Variants in NCKAP5 observed in about 807,000 individuals in gnomAD.
The protein encoded by NCKAP5 is NCK associated protein 5.
NCKAP5 carries 92 observed loss-of-function variants against 167.0 expected under a neutral mutation model. That is an observed-to-expected ratio of 0.55 (90% CI 0.47 to 0.66). The LOEUF is 0.66. NCKAP5 is among the 30% of genes least tolerant of loss of function. NCKAP5 has a pLI of 0.00. For missense variants in NCKAP5, 2,378 were observed against 2,315.0 expected, an observed-to-expected ratio of 1.03 and a Z score of -0.56; for synonymous variants, 891 against 877.4, an observed-to-expected ratio of 1.02 and a Z score of -0.27.
Position 133,497,286 on chromosome 2 carries a change from G to C in NCKAP5, c.69+20172C>G, listed in dbSNP as rs539951595. Among the ~76,000 whole-genome samples, 3 of 152,290 alleles carry C rather than the reference G, an allele frequency of 2.0e-5. No homozygotes were observed. In the South Asian group the frequency reaches 6.2e-4, roughly 32 times the overall value. ...AAATAAAAAGCCCTACTACAACACAGCTTATCATCTTTTGAGCTTGGGCCA... is the reference window on the plus strand; with the variant it reads ...AAATAAAAAGCCCTACTACAACACACCTTATCATCTTTTGAGCTTGGGCCA... On this transcript the variant is annotated intron_variant, in intron 3 of 19. Transcript: ENST00000409261.
intron 5 of NCKAP5, among the ~76,000 whole-genome samples, chr2:133,170,065 T>C (rs1276659058): frequency 1.3e-5 from 2 of 152,232 alleles, no homozygotes; most frequent in African/African-American, 2.4e-5. Flanking sequence ...AATTTTATTA[T>C]GGGCATATTA....
intron 5 of NCKAP5, among the ~76,000 whole-genome samples, chr2:133,132,556 C>T (rs2082645508): frequency 6.7e-6 from 1 of 149,936 alleles, no homozygotes; most frequent in Non-Finnish European, 1.5e-5. Flanking sequence ...GGAATTAAGA[C>T]TATGAGGGCA....
chr2:133,291,296 A>C (rs1679581147), intron 4 of NCKAP5, among the ~76,000 whole-genome samples: 1 of 152,226 alleles, frequency 6.6e-6, no homozygotes, highest in Non-Finnish European at 1.5e-5. Context: ...CAAACAAGTC[A>C]GTGTGATTGA....
chr2:133,125,645 C>T (rs1228038535), intron 6 of NCKAP5, among the ~76,000 whole-genome samples: 1 of 152,316 alleles, frequency 6.6e-6, no homozygotes, highest in South Asian at 2.1e-4. Context: ...TAAGATATCA[C>T]CACCTGCCTC....
At position 132,953,652 on chromosome 2, in the gene NCKAP5, C is replaced by CAG. The variant is rs141227824; in HGVS notation, c.579+10066_579+10067dup. ...GCTAGAGAGAAGACAGACAGGCAGACAGAGAGAGAGAGAGAGAAGAGAAAA... is the reference window on the plus strand; with the variant it reads ...GCTAGAGAGAAGACAGACAGGCAGACAGAGAGAGAGAGAGAGAGAAGAGAAAA... On this transcript the variant is annotated intron_variant, in intron 8 of 19. Coordinates refer to ENST00000409261, the MANE Select transcript of NCKAP5 (RefSeq NM_207363.3). 1.7e-4 allele frequency among the ~76,000 whole-genome samples: 25 copies of CAG among 145,288 alleles called. 1 individual carries two copies. The highest frequency in any genetic ancestry group is 4.0e-4 in the East Asian group (2 of 5,004).
At chr2:132,675,702 A>T (rs967933348) in intron 19 of NCKAP5, among the ~76,000 whole-genome samples, 1 of 152,246 alleles carries the variant, frequency 6.6e-6, no homozygotes, top group African/African-American at 2.4e-5. Context: ...GAATTTGGGA[A>T]GAGTTAATTG....
chr2:133,385,377 T>C (rs1171738040), intron 3 of NCKAP5, among the ~76,000 whole-genome samples: 2 of 152,230 alleles, frequency 1.3e-5, no homozygotes, highest in Admixed American at 6.5e-5. Context: ...TGAACCAGCC[T>C]TGCATCCCAG....
chr2:133,623,330 A>G, the NCKAP5 span, among the ~76,000 whole-genome samples: 2 of 152,224 alleles, frequency 1.3e-5, no homozygotes, highest in Admixed American at 1.3e-4. Context: ...AAGCTTCTGC[A>G]CAGCAAAAGA....
Position 132,782,741 on chromosome 2 carries a change from C to T in NCKAP5, c.4070G>A (p.Ser1357Asn), listed in dbSNP as rs1303712109. Residue 1357 changes from serine to asparagine, a missense_variant, in exon 14 of 20, where the codon AGC becomes AAC. By Grantham distance (46) the Ser-to-Asn change is conservative. Transcript: ENST00000409261. ...SGKGSLGSSG[S>N]FSSQHGSPSK... The stretch of plus-strand genomic sequence containing the variant: ...TGGGCTCCCATGCTGACTGCTGAAG[C>T]TGCCTGAGCTCCCCAGGGAGCCCTT... 14 of 1,613,992 alleles carry T rather than the reference C, an allele frequency of 8.7e-6. No individual in the cohort carries two copies. Among genetic ancestry groups the T allele is most frequent in the Non-Finnish European group, 1.2e-5 (14 of 1,179,874 alleles).
chr2:133,502,026 G>C (rs1682564345), intron 3 of NCKAP5, among the ~76,000 whole-genome samples: 2 of 152,194 alleles, frequency 1.3e-5, no homozygotes, highest in Admixed American at 6.5e-5. Context: ...AGGCTCCGTA[G>C]ATCCTTGAGT....
intron 7 of NCKAP5, among the ~76,000 whole-genome samples, chr2:132,985,553 T>C (rs1297793828): frequency 1.3e-5 from 2 of 152,250 alleles, no homozygotes; most frequent in South Asian, 2.1e-4. Context: ...GGAAGATTCA[T>C]CTTGTTTGAA....
In NCKAP5 at chr2:132,916,602, C is replaced by G. The variant is rs560235037; in HGVS notation, c.580-37686G>C. Among the ~76,000 whole-genome samples, 9 of 152,104 alleles carry G rather than the reference C, an allele frequency of 5.9e-5. No homozygotes were observed. In the South Asian group the frequency reaches 1.9e-3, roughly 32 times the overall value. On this transcript the variant is annotated intron_variant, in intron 8 of 19. Coordinates refer to ENST00000409261, the MANE Select transcript of NCKAP5 (RefSeq NM_207363.3). ...AAGGTTATTTGAATTCTGTGGTTTT[C>G]CATCTTTCTATTAATGGACATTTAT...
chr2:133,509,526 C>T (rs1683299244), intron 3 of NCKAP5, among the ~76,000 whole-genome samples: 1 of 151,018 alleles, frequency 6.6e-6, no homozygotes, highest in Admixed American at 6.5e-5. Flanking sequence ...TAAGCAGCTG[C>T]TCACTGCTAA....
chr2:133,404,038 G>C (rs890341357), intron 3 of NCKAP5, among the ~76,000 whole-genome samples: 2 of 152,164 alleles, frequency 1.3e-5, no homozygotes, highest in African/African-American at 4.8e-5. Context: ...CACCTGGGTA[G>C]CCCACACCCT....
intron 2 of NCKAP5, among the ~76,000 whole-genome samples, chr2:133,531,852 C>A (rs59658026): frequency 0.25 from 37,266 of 152,076 alleles, 5,916 homozygotes; most frequent in East Asian, 0.48. Flanking sequence ...GTATTTAACA[C>A]AGATTAATCT....
In NCKAP5 at chr2:133,329,009, AG is replaced by A. The variant is rs371615399; in HGVS notation, c.70-25900del. Reference sequence around the variant, plus strand: ...ATAAAGAAAAAGAAAGGCAATAAAAAGGAATTCATTCTAAGGAGGTGTTTAG... The same window carrying A: ...ATAAAGAAAAAGAAAGGCAATAAAAAGAATTCATTCTAAGGAGGTGTTTAG... On this transcript the variant is annotated intron_variant, in intron 3 of 19. Transcript: ENST00000409261. 2.3e-3 allele frequency among the ~76,000 whole-genome samples: 343 copies of A among 152,354 alleles called. 13 individuals are homozygous for A. The South Asian group carries it at 0.069, about 31-fold the overall frequency.
rs1006672316 is a variant in NCKAP5, at chr2:133,233,572, G to A, written c.144-19793C>T. The stretch of plus-strand genomic sequence containing the variant: ...TTTCCTAGTTTCATATACATTATAT[G>A]TATAACTTAACTACATTTAAATACC... On this transcript the variant is annotated intron_variant, in intron 4 of 19. Coordinates refer to ENST00000409261, the MANE Select transcript of NCKAP5 (RefSeq NM_207363.3). Among the ~76,000 whole-genome samples the A allele has an allele frequency of 4.6e-5, 7 of 152,016 alleles. No homozygotes were observed. The South Asian group carries it at 8.3e-4, about 18-fold the overall frequency.
rs533104608 is a variant in NCKAP5 at position 133,472,349 on chromosome 2, T to A, written c.69+45109A>T. On this transcript the variant is annotated intron_variant, in intron 3 of 19. Transcript: ENST00000409261. ...ATCTTGTATCTAGTAGCATAAGATATCAAGAGCATCTTATGCTTCTAGACA... is the reference window on the plus strand; with the variant it reads ...ATCTTGTATCTAGTAGCATAAGATAACAAGAGCATCTTATGCTTCTAGACA... Among the ~76,000 whole-genome samples, 51 of 152,300 alleles carry A rather than the reference T, an allele frequency of 3.3e-4. 1 individual carries two copies. In the Middle Eastern group the frequency reaches 0.01, roughly 30 times the overall value.
At chr2:133,387,180 G>A (rs1324397281) in intron 3 of NCKAP5, among the ~76,000 whole-genome samples, 1 of 152,112 alleles carries the variant, frequency 6.6e-6, no homozygotes, top group Non-Finnish European at 1.5e-5. Flanking sequence ...GCAGTGGCTG[G>A]TACTGGTTGT....
Sources: gnomAD v4.1 joint callset for allele counts (sites outside exome capture counted in the v4.1 genomes callset) on GRCh38, gnomAD v4.1.1 for gene constraint, MANE v1.5 for transcripts, NCBI Gene and HGNC (gene_info 2026-07-23, HGNC 2026-07-21) for gene names.